Variants in CDK19 observed in about 807,000 individuals in gnomAD.
CDK19 encodes cyclin-dependent kinase 19.
In CDK19, 20 loss-of-function variants were observed where a neutral mutation model predicts 68.3. That is an observed-to-expected ratio of 0.29 (90% CI 0.21 to 0.43). The LOEUF (loss-of-function observed/expected upper bound fraction) is 0.43. CDK19 is among the 20% of genes least tolerant of loss of function. CDK19 has a pLI of 1.00. For missense variants in CDK19, 339 were observed against 623.5 expected (o/e 0.54, Z 4.86); for synonymous variants, 221 against 222.8 (o/e 0.99, Z 0.07).
At chr6:110,806,446 T>G (rs1008216263) in intron 1 of CDK19, among the ~76,000 whole-genome samples, 13 of 152,172 alleles carry the variant, frequency 8.5e-5, no homozygotes, top group African/African-American at 3.1e-4. Context: ...ATCACCATAT[T>G]AGTAAACCAT....
chr6:110,669,882 G>C (rs543471555), intron 3 of CDK19, among the ~76,000 whole-genome samples: 6 of 152,064 alleles, frequency 3.9e-5, no homozygotes, highest in Non-Finnish European at 5.9e-5. Context: ...CTCCCGCCAG[G>C]CATGGTGGCT....
intron 4 of CDK19, among the ~76,000 whole-genome samples, chr6:110,665,208 G>C (rs1201380518): frequency 6.6e-6 from 1 of 152,176 alleles, no homozygotes; most frequent in Non-Finnish European, 1.5e-5. Context: ...CAAGTATAGA[G>C]GCTAGTATCA....
At chr6:110,656,717 T>A (rs1781328123) in intron 4 of CDK19, among the ~76,000 whole-genome samples, 2 of 152,106 alleles carry the variant, frequency 1.3e-5, no homozygotes. Flanking sequence ...CTTTCAGGAG[T>A]AGTTACTGGC....
At chr6:110,649,269 G>A (rs1780819356) in intron 4 of CDK19, among the ~76,000 whole-genome samples, 1 of 152,066 alleles carries the variant, frequency 6.6e-6, no homozygotes, top group East Asian at 1.9e-4. Context: ...GAGAAAGGAG[G>A]ATCTGTTCAA....
At chr6:110,633,255 A>AAAAC (rs370958856) in intron 5 of CDK19, among the ~76,000 whole-genome samples, 9 of 152,064 alleles carry the variant, frequency 5.9e-5, no homozygotes, top group African/African-American at 9.7e-5. Context: ...AGACTGTCTC[A>AAAAC]AAACAAACAA....
At chr6:110,698,332 C>T (rs1773667334) in intron 2 of CDK19, among the ~76,000 whole-genome samples, 1 of 151,700 alleles carries the variant, frequency 6.6e-6, no homozygotes, top group Admixed American at 6.6e-5. Flanking sequence ...ACAAATAATT[C>T]CATCAAAAAG....
At chr6:110,623,765 CACATATATAT>C (rs1468997623) in intron 8 of CDK19, among the ~76,000 whole-genome samples, 1 of 86,898 alleles carries the variant, frequency 1.2e-5, no homozygotes, top group Non-Finnish European at 2.3e-5. Context: ...TATATATATA[CACATATATAT>C]ACATATATAC....
In CDK19 at chr6:110,810,516, T is replaced by C. The variant is rs537514273; in HGVS notation, c.128+4493A>G. On this transcript the variant is annotated intron_variant, in intron 1 of 12. Coordinates refer to ENST00000368911, the MANE Select transcript of CDK19 (RefSeq NM_015076.5). Reference sequence around the variant, plus strand: ...ATGGCCAGGTAAGGTGGCTCACGCCTATAATCCCAGCACTTTGGGAGGCCG... The same window carrying C: ...ATGGCCAGGTAAGGTGGCTCACGCCCATAATCCCAGCACTTTGGGAGGCCG... Among the ~76,000 whole-genome samples, 6 of 152,254 alleles carry C rather than the reference T, an allele frequency of 3.9e-5. No individual in the cohort carries two copies. The East Asian group carries it at 9.6e-4, about 24-fold the overall frequency.
chr6:110,651,196 T>C (rs1041592264), intron 4 of CDK19, among the ~76,000 whole-genome samples: 2 of 152,140 alleles, frequency 1.3e-5, no homozygotes, highest in Non-Finnish European at 2.9e-5. Flanking sequence ...TTATCTTCTG[T>C]CTTATCCATA....
At chr6:110,754,382 T>G (rs975787498) in intron 1 of CDK19, among the ~76,000 whole-genome samples, 3 of 152,128 alleles carry the variant, frequency 2.0e-5, no homozygotes, top group African/African-American at 7.2e-5. Context: ...AAAAAATGTA[T>G]CTGCAGTAAT....
intron 2 of CDK19, among the ~76,000 whole-genome samples, chr6:110,734,860 T>C (rs1269996845): frequency 2.0e-5 from 3 of 152,134 alleles, no homozygotes; most frequent in African/African-American, 7.2e-5. Context: ...TTTAGCACAA[T>C]GCCTAGATTA....
chr6:110,759,428 A>AATATATATATAT (rs34490988), intron 1 of CDK19, among the ~76,000 whole-genome samples: 1 of 50,906 alleles, frequency 2.0e-5, no homozygotes, highest in African/African-American at 8.7e-5. Context: ...AAAAAAAAAA[A>AATATATATATAT]ATATATATAT....
intron 2 of CDK19, among the ~76,000 whole-genome samples, chr6:110,735,090 C>T (rs1480692025): frequency 1.3e-5 from 2 of 150,836 alleles, no homozygotes; most frequent in African/African-American, 2.4e-5. Context: ...TAATAGTCCA[C>T]AAAATTTAAT....
chr6:110,710,847 C>G (rs1004899478), intron 2 of CDK19, among the ~76,000 whole-genome samples: 5 of 152,170 alleles, frequency 3.3e-5, no homozygotes, highest in Non-Finnish European at 5.9e-5. Flanking sequence ...TATCCTCCCT[C>G]CCGTAGAAGA....
At chr6:110,722,833 C>T (rs1160491182) in intron 2 of CDK19, among the ~76,000 whole-genome samples, 1 of 151,732 alleles carries the variant, frequency 6.6e-6, no homozygotes, top group East Asian at 1.9e-4. Flanking sequence ...TGCCAATGTA[C>T]TACAGCCTGG....
rs192396577 is a variant in CDK19, at chr6:110,774,421, T to C, written c.129-28220A>G. ...ACTAAAATGGCTACTAAGTGACAGG[T>C]AGTGTCTACAGCATAGATATACTGG... On this transcript the variant is annotated intron_variant, in intron 1 of 12. Coordinates refer to ENST00000368911, the MANE Select transcript of CDK19 (RefSeq NM_015076.5). Among the ~76,000 whole-genome samples, 5 of 152,270 alleles carry C rather than the reference T, an allele frequency of 3.3e-5. No individual in the cohort carries two copies. In the East Asian group the frequency reaches 7.7e-4, roughly 23 times the overall value.
intron 4 of CDK19, among the ~76,000 whole-genome samples, chr6:110,655,223 G>A (rs1011596958): frequency 1.3e-5 from 2 of 151,520 alleles, no homozygotes; most frequent in Admixed American, 6.6e-5. Flanking sequence ...AAAATCAGTC[G>A]GGCATGGTGG....
intron 2 of CDK19, among the ~76,000 whole-genome samples, chr6:110,745,383 G>T (rs1258775489): frequency 1.3e-5 from 2 of 151,814 alleles, no homozygotes; most frequent in Non-Finnish European, 2.9e-5. Context: ...TTCTTTAAGG[G>T]ATTATCCTAT....
At chr6:110,755,613 T>A (rs928713195) in intron 1 of CDK19, among the ~76,000 whole-genome samples, 2 of 152,040 alleles carry the variant, frequency 1.3e-5, no homozygotes, top group African/African-American at 4.8e-5. Flanking sequence ...AAGATTAAGA[T>A]CCATGCTATA....
Sources: gnomAD v4.1 joint callset for allele counts (sites outside exome capture counted in the v4.1 genomes callset) on GRCh38, gnomAD v4.1.1 for gene constraint, MANE v1.5 for transcripts, NCBI Gene and HGNC (gene_info 2026-07-23, HGNC 2026-07-21) for gene names.